The following PCDH9 variants were observed in gnomAD, a reference collection of about 807,000 sequenced individuals.
The protein encoded by PCDH9 is protocadherin-9.
A neutral mutation model predicts 70.6 loss-of-function variants in PCDH9; 24 were observed. The ratio of observed to expected loss-of-function variants is 0.34; its 90% CI spans 0.25 to 0.48. The LOEUF (loss-of-function observed/expected upper bound fraction) is 0.48, where lower values mean the gene tolerates loss of function less well. Ranked by LOEUF, PCDH9 falls within the 20% of genes least tolerant of loss-of-function variation. The pLI is 0.99. For missense variants in PCDH9, 1,281 were observed against 1,503.6 expected (o/e 0.85, Z 2.45); for synonymous variants, 562 against 558.5 (o/e 1.01, Z -0.09).
chr13:67,207,761 A>T (rs2089385158), intron 2 of PCDH9: 1 of 152,180 alleles, frequency 6.6e-6, no homozygotes, highest in South Asian at 2.1e-4. Context: ...ATTTCTAGTA[A>T]TAAAGCTATG....
At chr13:66,392,304 T>C (rs1341538365) in intron 4 of PCDH9, among the ~76,000 whole-genome samples, 1 of 152,076 alleles carries the variant, frequency 6.6e-6, no homozygotes, top group Non-Finnish European at 1.5e-5. Flanking sequence ...GCATTAAATA[T>C]TAAGTAGTAA....
At chr13:66,802,865 A>C (rs2080348989) in intron 3 of PCDH9, among the ~76,000 whole-genome samples, 1 of 152,102 alleles carries the variant, frequency 6.6e-6, no homozygotes, top group South Asian at 2.1e-4. Flanking sequence ...TGGGGTCAGC[A>C]GCACTCTAAT....
At chr13:66,496,448 C>G (rs1368907087) in intron 4 of PCDH9, among the ~76,000 whole-genome samples, 1 of 152,168 alleles carries the variant, frequency 6.6e-6, no homozygotes, top group African/African-American at 2.4e-5. Context: ...ATTTCCTCCT[C>G]TCAAGGTTGA....
chr13:67,015,758 C>G (rs1004054446), intron 2 of PCDH9, among the ~76,000 whole-genome samples: 2 of 152,134 alleles, frequency 1.3e-5, no homozygotes, highest in African/African-American at 2.4e-5. Context: ...AATCTCTGTC[C>G]TTGCATAATT....
chr13:66,513,327 T>C (rs1053530491), intron 4 of PCDH9, among the ~76,000 whole-genome samples: 7 of 152,036 alleles, frequency 4.6e-5, no homozygotes, highest in Admixed American at 6.6e-5. Context: ...ATAATATATG[T>C]AACTTTCTTT....
chr13:67,062,914 T>G (rs2085566974), intron 2 of PCDH9, among the ~76,000 whole-genome samples: 1 of 152,154 alleles, frequency 6.6e-6, no homozygotes, highest in African/African-American at 2.4e-5. Context: ...TAAAGCTTCC[T>G]AATCAAGATC....
intron 4 of PCDH9, among the ~76,000 whole-genome samples, chr13:66,605,910 C>G (rs2077217283): frequency 6.6e-6 from 1 of 151,896 alleles, no homozygotes; most frequent in South Asian, 2.1e-4. Context: ...TTTTCAAGCA[C>G]AATTCATTAT....
At chr13:66,596,686 G>A (rs2077107103) in intron 4 of PCDH9, among the ~76,000 whole-genome samples, 1 of 151,344 alleles carries the variant, frequency 6.6e-6, no homozygotes, top group African/African-American at 2.4e-5. Context: ...TATGTCAAAT[G>A]ATCAAAAATT....
At chr13:67,038,541 G>T (rs866514606) in intron 2 of PCDH9, among the ~76,000 whole-genome samples, 18 of 152,196 alleles carry the variant, frequency 1.2e-4, no homozygotes, top group Middle Eastern at 3.4e-3. Context: ...ATAGCAAGCT[G>T]CCTAAAGAAA....
At chr13:67,065,558 C>T (rs2085630914) in intron 2 of PCDH9, among the ~76,000 whole-genome samples, 1 of 152,088 alleles carries the variant, frequency 6.6e-6, no homozygotes, top group African/African-American at 2.4e-5. Context: ...CTATTAAATA[C>T]ACCATAATAG....
chr13:66,736,217 C>T (rs895813901), intron 3 of PCDH9, among the ~76,000 whole-genome samples: 1 of 152,060 alleles, frequency 6.6e-6, no homozygotes, highest in South Asian at 2.1e-4. Flanking sequence ...TATGTTGAAG[C>T]CCTAACCCCC....
intron 4 of PCDH9, among the ~76,000 whole-genome samples, chr13:66,348,825 T>C (rs1956251561): frequency 6.6e-6 from 1 of 152,148 alleles, no homozygotes; most frequent in South Asian, 2.1e-4. Flanking sequence ...CATTTGACTT[T>C]TATGTTCAAC....
At chr13:66,588,148 G>A (rs2076987815) in intron 4 of PCDH9, among the ~76,000 whole-genome samples, 1 of 151,916 alleles carries the variant, frequency 6.6e-6, no homozygotes, top group Non-Finnish European at 1.5e-5. Flanking sequence ...CCTTCACATA[G>A]ACATCTATAA....
intron 3 of PCDH9, among the ~76,000 whole-genome samples, chr13:66,838,893 CTTATT>C (rs1246197682): frequency 1.3e-5 from 2 of 151,856 alleles, no homozygotes; most frequent in African/African-American, 4.8e-5. Context: ...AATAATGTCA[CTTATT>C]TAAATAATTC....
At chr13:67,100,126 G>A (rs2086401819) in intron 2 of PCDH9, among the ~76,000 whole-genome samples, 2 of 152,106 alleles carry the variant, frequency 1.3e-5, no homozygotes, top group African/African-American at 4.8e-5. Flanking sequence ...CTCCCCAGTC[G>A]CTAAGGAACT....
intron 3 of PCDH9, among the ~76,000 whole-genome samples, chr13:66,850,257 G>A (rs957595854): frequency 1.3e-5 from 2 of 152,142 alleles, no homozygotes; most frequent in East Asian, 1.9e-4. Flanking sequence ...GGTGGCTCAC[G>A]CCTGTAATGC....
intron 2 of PCDH9, among the ~76,000 whole-genome samples, chr13:67,067,714 G>A (rs957555161): frequency 3.1e-4 from 46 of 146,084 alleles, no homozygotes; most frequent in Non-Finnish European, 1.0e-4. Flanking sequence ...AGTGGTCTTC[G>A]TAAGTCACTG....
Position 66,304,690 on chromosome 13 carries a change from C to G in PCDH9, c.3679G>C (p.Gly1227Arg). ...TGCTCCTTAGGACTCTCAGTAGCAC[C>G]TCCTGCTTGCTTATAAGACTTCAGA... Reference protein sequence around the residue: ...ANLKSYKQAGGATESPKEHQL With the variant: ...ANLKSYKQAGRATESPKEHQL Residue 1227 changes from glycine to arginine, a missense_variant, in exon 5 of 5, where the codon GGT (glycine) becomes CGT (arginine). Transcript: ENST00000377865. 1.2e-6 allele frequency: 2 copies of G among 1,613,278 alleles called. No individual in the cohort carries two copies. Among genetic ancestry groups the G allele is most frequent in the Non-Finnish European group, 1.7e-6 (2 of 1,179,530 alleles).
At chr13:66,610,583 T>C (rs2077281897) in intron 4 of PCDH9, among the ~76,000 whole-genome samples, 1 of 152,184 alleles carries the variant, frequency 6.6e-6, no homozygotes, top group Non-Finnish European at 1.5e-5. Context: ...TTGGTATTTC[T>C]GGCTCAAAAT....
Sources: gnomAD v4.1 joint callset for allele counts (sites outside exome capture counted in the v4.1 genomes callset) on GRCh38, gnomAD v4.1.1 for gene constraint, MANE v1.5 for transcripts, NCBI Gene and HGNC (gene_info 2026-07-23, HGNC 2026-07-21) for gene names.